LARGE1: variants seen among roughly 807,000 people sequenced by gnomAD.
LARGE1 encodes the protein xylosyl- and glucuronyltransferase LARGE1.
A neutral mutation model predicts 87.6 loss-of-function variants in LARGE1; 43 were observed. The ratio of observed to expected loss-of-function variants is 0.49; its 90% CI spans 0.38 to 0.63. LARGE1 has a LOEUF of 0.63. LARGE1 is among the 30% of genes least tolerant of loss of function. The probability of loss-of-function intolerance (pLI) is 0.00; values close to 1 mark genes in which losing one functional copy is unlikely to be tolerated. For synonymous variants in LARGE1, 434 were observed against 394.6 expected, an observed-to-expected ratio of 1.10 and a Z score of -1.18; for missense variants, 802 against 1,000.2, an observed-to-expected ratio of 0.80 and a Z score of 2.67.
At position 33,850,232 on chromosome 22, in the gene LARGE1, C is replaced by G. The variant is rs190148730; in HGVS notation, c.-83+69763G>C. Among the ~76,000 whole-genome samples, 45 of 152,316 alleles carry G rather than the reference C, an allele frequency of 3.0e-4. No individual in the cohort carries two copies. The East Asian group carries it at 6.8e-3, about 23-fold the overall frequency. Reference sequence around the variant, plus strand: ...CCTACCACCAGCAGCAGCAATAACACGGCCTTCAAACAGGGATTTCACCTC... The same window carrying G: ...CCTACCACCAGCAGCAGCAATAACAGGGCCTTCAAACAGGGATTTCACCTC... On this transcript the variant is annotated intron_variant, in intron 1 of 14. Coordinates refer to ENST00000397394, the MANE Select transcript of LARGE1 (RefSeq NM_133642.5).
intron 6 of LARGE1, among the ~76,000 whole-genome samples, chr22:33,435,660 A>C (rs2067243894): frequency 6.6e-6 from 1 of 152,144 alleles, no homozygotes; most frequent in African/African-American, 2.4e-5. Flanking sequence ...GGGGTGCTCT[A>C]CATAAGGCTT....
chr22:33,613,518 T>C (rs1415263702), intron 4 of LARGE1, among the ~76,000 whole-genome samples: 1 of 151,998 alleles, frequency 6.6e-6, no homozygotes, highest in Non-Finnish European at 1.5e-5. Flanking sequence ...GGAAACAGAG[T>C]TTTCACTCTT....
intron 1 of LARGE1, among the ~76,000 whole-genome samples, chr22:33,796,601 T>C (rs2146032573): frequency 6.6e-6 from 1 of 152,142 alleles, no homozygotes; most frequent in Non-Finnish European, 1.5e-5. Flanking sequence ...ATTTTCCAAG[T>C]AAAATTATCC....
chr22:33,842,938 C>CAAAACAA (rs140747394), intron 1 of LARGE1, among the ~76,000 whole-genome samples: 1 of 150,858 alleles, frequency 6.6e-6, no homozygotes, highest in African/African-American at 2.5e-5. Flanking sequence ...CAAAACAAAA[C>CAAAACAA]AAAACAAAAC....
chr22:33,278,196 T>C (rs1034732160), intron 13 of LARGE1, among the ~76,000 whole-genome samples: 2 of 152,158 alleles, frequency 1.3e-5, no homozygotes, highest in African/African-American at 4.8e-5. Flanking sequence ...GCAAATTAAC[T>C]AGACTCTAGG....
chr22:33,405,114 G>A, intron 7 of LARGE1, among the ~76,000 whole-genome samples: 1 of 152,126 alleles, frequency 6.6e-6, no homozygotes, highest in Non-Finnish European at 1.5e-5. Flanking sequence ...TTTCTTTCTA[G>A]GGAGAAAGAT....
rs527358253 is a variant in LARGE1 at position 33,481,742 on chromosome 22, C to A, written c.788-49477G>T. Among the ~76,000 whole-genome samples, 355 of 152,264 alleles carry A rather than the reference C, an allele frequency of 2.3e-3. 1 individual carries two copies. The highest frequency in any genetic ancestry group is 7.4e-3 in the African/African-American group (308 of 41,564). On this transcript the variant is annotated intron_variant, in intron 6 of 14. Coordinates refer to ENST00000397394, the MANE Select transcript of LARGE1 (RefSeq NM_133642.5). ...TGCCAACATTCAAGGTGGATATTCC[C>A]TGGGTAAACCTTGCCCGTTAGAGCA...
intron 9 of LARGE1, among the ~76,000 whole-genome samples, chr22:33,373,675 T>C (rs553695801): frequency 3.6e-4 from 55 of 152,230 alleles, no homozygotes; most frequent in South Asian, 1.4e-3. Context: ...CTATTATGGC[T>C]TGTCCATTAA....
At chr22:33,454,567 C>T (rs541983927) in intron 6 of LARGE1, among the ~76,000 whole-genome samples, 4 of 148,566 alleles carry the variant, frequency 2.7e-5, no homozygotes, top group Non-Finnish European at 5.9e-5. Flanking sequence ...TGCAGTGAGC[C>T]GAGATTGAGC....
At chr22:33,674,098 T>A (rs1980693941) in intron 2 of LARGE1, among the ~76,000 whole-genome samples, 1 of 151,096 alleles carries the variant, frequency 6.6e-6, no homozygotes, top group South Asian at 2.1e-4. Context: ...TGTGAGCCAC[T>A]GCACCCCGCT....
intron 2 of LARGE1, among the ~76,000 whole-genome samples, chr22:33,658,479 C>T (rs1378332775): frequency 6.6e-6 from 1 of 152,046 alleles, no homozygotes; most frequent in Non-Finnish European, 1.5e-5. Flanking sequence ...TGTGTTGTTC[C>T]CCTACTTGTG....
chr22:33,750,109 GAC>G (rs771026242), intron 2 of LARGE1, among the ~76,000 whole-genome samples: 3 of 152,166 alleles, frequency 2.0e-5, no homozygotes, highest in African/African-American at 4.8e-5. Context: ...AAATGAGCCA[GAC>G]AGAGTCAACC....
chr22:33,783,836 T>C (rs529010305), intron 1 of LARGE1, among the ~76,000 whole-genome samples: 3 of 152,266 alleles, frequency 2.0e-5, no homozygotes, highest in South Asian at 2.1e-4. Context: ...CTGGTGGTTA[T>C]TGACCACCAG....
chr22:33,507,694 G>A (rs1267513873), intron 6 of LARGE1, among the ~76,000 whole-genome samples: 2 of 152,180 alleles, frequency 1.3e-5, no homozygotes, highest in African/African-American at 2.4e-5. Flanking sequence ...ACTTTAAAAT[G>A]GTTACAATGG....
chr22:33,397,187 T>C (rs1050636348), intron 7 of LARGE1, among the ~76,000 whole-genome samples: 2 of 152,128 alleles, frequency 1.3e-5, no homozygotes, highest in African/African-American at 4.8e-5. Flanking sequence ...TCGATCTCTT[T>C]TCACCGCAAC....
chr22:33,164,618 A>G (rs1178476101), exon 12 of LARGE1: 1 of 152,068 alleles, frequency 6.6e-6, no homozygotes, highest in Non-Finnish European at 1.5e-5. Context: ...CCCAGGTTCA[A>G]GTGATTCTTC....
intron 5 of LARGE1, among the ~76,000 whole-genome samples, chr22:33,590,813 T>C (rs1205292573): frequency 6.6e-6 from 1 of 152,216 alleles, no homozygotes; most frequent in East Asian, 1.9e-4. Context: ...AATATCCACA[T>C]ACAAGTTTTC....
intron 2 of LARGE1, among the ~76,000 whole-genome samples, chr22:33,760,997 G>A (rs1327172275): frequency 6.6e-6 from 1 of 151,594 alleles, no homozygotes; most frequent in Admixed American, 6.6e-5. Flanking sequence ...CCACCACCAC[G>A]ATGTTGAATG....
intron 1 of LARGE1, among the ~76,000 whole-genome samples, chr22:33,813,393 C>A (rs1168790656): frequency 6.6e-6 from 1 of 152,058 alleles, no homozygotes; most frequent in East Asian, 1.9e-4. Flanking sequence ...TAGTCAAATG[C>A]CACAAGACCA....
Sources: allele counts gnomAD v4.1 joint callset (sites outside exome capture counted in the v4.1 genomes callset), GRCh38; gene constraint gnomAD v4.1.1; transcripts MANE v1.5; gene names NCBI Gene and HGNC (gene_info 2026-07-23, HGNC 2026-07-21).